Variants in PNPT1 observed in about 807,000 individuals in gnomAD.
PNPT1 encodes polyribonucleotide nucleotidyltransferase 1, mitochondrial.
A neutral mutation model predicts 119.5 loss-of-function variants in PNPT1; 53 were observed. That is an observed-to-expected ratio of 0.44 (90% CI 0.36 to 0.56). The LOEUF is 0.56. Ranked by LOEUF, PNPT1 falls within the 20% of genes least tolerant of loss-of-function variation. PNPT1 has a pLI of 0.00. For synonymous variants in PNPT1, 357 were observed against 322.1 expected, an observed-to-expected ratio of 1.11 and a Z score of -1.16; for missense variants, 948 against 938.5, an observed-to-expected ratio of 1.01 and a Z score of -0.13.
chr2:55,645,418 T>C lies in PNPT1; in HGVS notation c.1753A>G (p.Ile585Val). The C allele has an allele frequency of 6.2e-7, 1 of 1,609,276 alleles. No homozygotes were observed. The highest frequency in any genetic ancestry group is 1.7e-4 in the Middle Eastern group (1 of 6,052). ...IQQASVAKKE[I>V]LQIMNKTISK... ...ATAGTTTTGTTCATGATCTGTAATA[T>C]CTCCTTTTTTGCCACTAGAAGAGAA... Residue 585 changes from isoleucine to valine, a missense_variant, in exon 22 of 28, where the codon ATA becomes GTA. Physicochemically the swap from Ile to Val is conservative, Grantham distance 29. Transcript: ENST00000447944.
chr2:55,640,076 T>C (rs1695790757), intron 26 of PNPT1, among the ~76,000 whole-genome samples: 1 of 152,206 alleles, frequency 6.6e-6, no homozygotes, highest in South Asian at 2.1e-4. Context: ...TCTTGTTGCA[T>C]GGATTATCTA....
intron 13 of PNPT1, among the ~76,000 whole-genome samples, chr2:55,665,318 G>C (rs193211578): frequency 6.6e-6 from 1 of 152,246 alleles, no homozygotes; most frequent in East Asian, 1.9e-4. Flanking sequence ...AAACTAGAAA[G>C]CTAATAGAAA....
In PNPT1 at chr2:55,680,911, C is replaced by T. The variant is rs1462528617; in HGVS notation, c.461G>A (p.Cys154Tyr). Residue 154 changes from cysteine to tyrosine, a missense_variant, in exon 6 of 28, where the codon TGT becomes TAT. Coordinates refer to ENST00000447944, the MANE Select transcript of PNPT1 (RefSeq NM_033109.5). ...AGYFYDTQVL[C>Y]NLLAVDGVNE... ...TACACCATCTACTGCTAACAGATTA[C>T]ACAGAACCTGGTAAAAGGGAAAAAA... 6.2e-7 allele frequency: 1 copy of T among 1,613,248 alleles called. No homozygotes were observed. The highest frequency in any genetic ancestry group is 1.7e-5 in the Admixed American group (1 of 59,880).
At chr2:55,686,239 C>A in intron 3 of PNPT1, 131 bp downstream of exon 3, 8 of 759,558 alleles carry the variant, frequency 1.1e-5, no homozygotes, top group South Asian at 8.3e-5. Flanking sequence ...GAATCAGTAT[C>A]AAAAAACTAG....
At chr2:55,651,962 T>A (rs1176089686) in intron 18 of PNPT1, among the ~76,000 whole-genome samples, 1 of 151,542 alleles carries the variant, frequency 6.6e-6, no homozygotes, top group Non-Finnish European at 1.5e-5. Context: ...TCGAGTAGAT[T>A]CCTGAAACAC....
chr2:55,645,195 T>C (rs1003670347), intron 22 of PNPT1, 154 bp downstream of exon 22: 1 of 455,528 alleles, frequency 2.2e-6, no homozygotes, highest in Non-Finnish European at 3.9e-6. Flanking sequence ...GGCTAATTTT[T>C]TGTATTTTTT....
At chr2:55,643,020 G>T in intron 25 of PNPT1, 138 bp downstream of exon 25, 1 of 822,854 alleles carries the variant, frequency 1.2e-6, no homozygotes, top group Non-Finnish European at 2.0e-6. Context: ...AGGCTGAGGT[G>T]GGAGAACTGC....
intron 18 of PNPT1, among the ~76,000 whole-genome samples, chr2:55,654,244 G>A (rs1028661852): frequency 7.3e-5 from 10 of 136,922 alleles, no homozygotes; most frequent in Admixed American, 2.4e-4. Flanking sequence ...ACAACAGAGC[G>A]AGACTCTGTC....
At chr2:55,651,904 A>C (rs918279970) in intron 18 of PNPT1, among the ~76,000 whole-genome samples, 9 of 141,250 alleles carry the variant, frequency 6.4e-5, no homozygotes, top group Admixed American at 6.3e-4. Flanking sequence ...AAAAAAAAAA[A>C]CAATAACCTT....
intron 9 of PNPT1, 151 bp downstream of exon 9, chr2:55,672,742 G>A: frequency 5.9e-6 from 4 of 677,480 alleles, no homozygotes; most frequent in Non-Finnish European, 9.5e-6. Context: ...TTTTAAGGGA[G>A]TAAGCAGATA....
In PNPT1 at chr2:55,687,719, A is replaced by C. The variant is rs769928430; in HGVS notation, c.162-14T>G. On this transcript the variant is annotated splice_polypyrimidine_tract_variant and intron_variant, in intron 1 of 27. Coordinates refer to ENST00000447944, the MANE Select transcript of PNPT1 (RefSeq NM_033109.5). The stretch of plus-strand genomic sequence containing the variant: ...ATTTCTAATTTCCTGTTTAAAAATA[A>C]AAATGCAATACAAGAAGACTTAGGT... The C allele has an allele frequency of 6.3e-7, 1 of 1,581,662 alleles. No individual in the cohort carries two copies. The highest frequency in any genetic ancestry group is 1.2e-5 in the South Asian group (1 of 86,742).
At chr2:55,661,854 C>G (rs1480201993) in intron 14 of PNPT1, 102 bp downstream of exon 14, 1 of 1,113,200 alleles carries the variant, frequency 9.0e-7, no homozygotes, top group Non-Finnish European at 1.2e-6. Context: ...TACAAAAACA[C>G]AGGTTAAAAA....
chr2:55,641,747 C>A (rs774257757), intron 25 of PNPT1, among the ~76,000 whole-genome samples: 14 of 151,862 alleles, frequency 9.2e-5, no homozygotes, highest in Non-Finnish European at 1.8e-4. Context: ...ATTTTTGCTA[C>A]ATTTGATAAT....
chr2:55,662,541 G>A (rs1224869562), intron 13 of PNPT1, among the ~76,000 whole-genome samples: 2 of 152,170 alleles, frequency 1.3e-5, no homozygotes, highest in Non-Finnish European at 2.9e-5. Flanking sequence ...TGGGCATGGT[G>A]GCATGTGCCT....
chr2:55,649,634 GAA>G (rs965749900), intron 18 of PNPT1, among the ~76,000 whole-genome samples: 6 of 152,082 alleles, frequency 3.9e-5, no homozygotes, highest in African/African-American at 1.4e-4. Flanking sequence ...CTTAAGCTGG[GAA>G]AAACTGTTTG....
chr2:55,668,676 C>A (rs983287029), intron 11 of PNPT1, among the ~76,000 whole-genome samples: 1 of 151,126 alleles, frequency 6.6e-6, no homozygotes, highest in African/African-American at 2.4e-5. Flanking sequence ...CTCAGCTCAC[C>A]GCAACCATCG....
chr2:55,680,783 G>A, intron 6 of PNPT1, 24 bp from the exon 7 acceptor site: 1 of 1,612,952 alleles, frequency 6.2e-7, no homozygotes, highest in Non-Finnish European at 8.5e-7. Context: ...AAAAATCAGG[G>A]CCGAAATTAA....
intron 8 of PNPT1, among the ~76,000 whole-genome samples, chr2:55,677,639 C>T (rs891337254): frequency 6.8e-6 from 1 of 147,372 alleles, no homozygotes; most frequent in Non-Finnish European, 1.5e-5. Flanking sequence ...TAGTTCATTC[C>T]TCTAATGTCT....
chr2:55,686,559 C>A (rs1053224535), intron 2 of PNPT1, 115 bp from the exon 3 acceptor site: 6 of 694,758 alleles, frequency 8.6e-6, no homozygotes, highest in East Asian at 5.8e-5. Context: ...TCTAATTCTA[C>A]GACACGATTA....
Sources: gnomAD v4.1 joint callset for allele counts (sites outside exome capture counted in the v4.1 genomes callset) on GRCh38, gnomAD v4.1.1 for gene constraint, MANE v1.5 for transcripts, NCBI Gene and HGNC (gene_info 2026-07-23, HGNC 2026-07-21) for gene names.